The following GNAQ variants were observed in gnomAD, a reference collection of about 807,000 sequenced individuals.
GNAQ encodes the protein guanine nucleotide-binding protein G(q) subunit alpha.
GNAQ carries 8 observed loss-of-function variants against 43.9 expected under a neutral mutation model. That is an observed-to-expected ratio of 0.18 (90% CI 0.11 to 0.33). The LOEUF (loss-of-function observed/expected upper bound fraction) is 0.33. GNAQ is among the 10% of genes least tolerant of loss of function. The pLI, the probability that GNAQ is intolerant of heterozygous loss-of-function variation, is 1.00. For missense variants in GNAQ, 158 were observed against 450.8 expected, an observed-to-expected ratio of 0.35 and a Z score of 5.88; for synonymous variants, 155 against 170.7, an observed-to-expected ratio of 0.91 and a Z score of 0.71.
At chr9:77,798,609 C>T (rs896734912) in intron 3 of GNAQ, among the ~76,000 whole-genome samples, 2 of 152,118 alleles carry the variant, frequency 1.3e-5, no homozygotes, top group African/African-American at 4.8e-5. Context: ...TACCAAAATC[C>T]CTGGATGCTC....
chr9:77,889,306 G>T (rs1284327501), intron 2 of GNAQ, among the ~76,000 whole-genome samples: 7 of 150,204 alleles, frequency 4.7e-5, no homozygotes, highest in Non-Finnish European at 1.0e-4. Flanking sequence ...TACTCATCAG[G>T]AGGTTGAGGT....
intron 3 of GNAQ, among the ~76,000 whole-genome samples, chr9:77,798,983 T>G (rs941094377): frequency 2.6e-5 from 4 of 152,228 alleles, no homozygotes; most frequent in Non-Finnish European, 5.9e-5. Flanking sequence ...TCCCTGGCAG[T>G]CACACATATG....
chr9:77,843,376 GA>G (rs1323695495), intron 2 of GNAQ, among the ~76,000 whole-genome samples: 1 of 152,218 alleles, frequency 6.6e-6, no homozygotes, highest in Non-Finnish European at 1.5e-5. Context: ...TAAGGTGAGA[GA>G]CACAGCCCTT....
chr9:77,834,231 T>G (rs1827347065), intron 2 of GNAQ, among the ~76,000 whole-genome samples: 1 of 152,348 alleles, frequency 6.6e-6, no homozygotes, highest in East Asian at 1.9e-4. Flanking sequence ...GGGAGCTCAG[T>G]TACAATATTT....
At chr9:77,729,280 C>A (rs1825448199) in intron 5 of GNAQ, among the ~76,000 whole-genome samples, 1 of 152,144 alleles carries the variant, frequency 6.6e-6, no homozygotes, top group African/African-American at 2.4e-5. Flanking sequence ...TTTCACTATA[C>A]TATTAATATA....
chr9:78,011,974 C>T (rs1823777279), intron 1 of GNAQ, among the ~76,000 whole-genome samples: 1 of 152,068 alleles, frequency 6.6e-6, no homozygotes, highest in Non-Finnish European at 1.5e-5. Flanking sequence ...AGATAAATAA[C>T]AAAAATTATA....
rs368266062 is a variant in GNAQ, at chr9:77,900,990, G to A, written c.321+21171C>T. Among the ~76,000 whole-genome samples the A allele has an allele frequency of 2.0e-5, 3 of 151,920 alleles. No homozygotes were observed. In the South Asian group the frequency reaches 6.2e-4, roughly 32 times the overall value. The stretch of plus-strand genomic sequence containing the variant: ...TTTCCACTGACCAACAAACACACTC[G>A]GTTCTCTCCTGAAGTTAAAGAACCA... On this transcript the variant is annotated intron_variant, in intron 2 of 6. Coordinates refer to ENST00000286548, the MANE Select transcript of GNAQ (RefSeq NM_002072.5).
chr9:77,895,403 G>C (rs866151667), intron 2 of GNAQ, among the ~76,000 whole-genome samples: 4 of 152,166 alleles, frequency 2.6e-5, no homozygotes, highest in Non-Finnish European at 4.4e-5. Context: ...GTGGTGCTCA[G>C]ATCCAGTCTT....
chr9:77,844,029 G>T (rs1342289207), intron 2 of GNAQ, among the ~76,000 whole-genome samples: 1 of 152,082 alleles, frequency 6.6e-6, no homozygotes, highest in South Asian at 2.1e-4. Flanking sequence ...AATCTGCCAC[G>T]GAGACAGTAA....
chr9:78,004,276 C>CAA lies in GNAQ; in HGVS notation c.136+26822_136+26823dup, dbSNP rs754254450. On this transcript the variant is annotated intron_variant, in intron 1 of 6. Coordinates refer to ENST00000286548, the MANE Select transcript of GNAQ (RefSeq NM_002072.5). ...TGGACGACAGAGTAAGACTCTGTCT[C>CAA]AAAAAAAAAAAAAAAAAATTAATTA... Among the ~76,000 whole-genome samples, 132 of 82,150 alleles carry CAA rather than the reference C, an allele frequency of 1.6e-3. 1 individual carries two copies. The highest frequency in any genetic ancestry group is 4.3e-3 in the African/African-American group (99 of 22,976). The allele number at this position is 82,150 out of a possible 152,430, so 53.9% of individuals were successfully genotyped here. A position where few individuals can be genotyped will look rare whatever the true frequency, so the allele number is the denominator to read the frequency against.
chr9:77,809,764 C>A (rs1382758714), intron 3 of GNAQ, among the ~76,000 whole-genome samples: 2 of 152,084 alleles, frequency 1.3e-5, no homozygotes, highest in Non-Finnish European at 2.9e-5. Context: ...CTATGATAGG[C>A]AAGTTGGCTA....
rs935329369 is a variant in GNAQ at position 77,779,700 on chromosome 9, A to G, written c.735+14763T>C. On this transcript the variant is annotated intron_variant, in intron 5 of 6. Transcript: ENST00000286548. ...CAAAACAAAAAAAAAAAAAAAAAAA[A>G]AGAGAAGGCACAAATTACTAGTATC... Among the ~76,000 whole-genome samples, 3 of 133,814 alleles carry G rather than the reference A, an allele frequency of 2.2e-5. No individual in the cohort carries two copies. In the South Asian group the frequency reaches 7.3e-4, roughly 33 times the overall value. 87.8% of individuals were successfully genotyped at this position (133,814 alleles called of 152,430 possible).
At chr9:77,898,320 C>A (rs1037586096) in intron 2 of GNAQ, among the ~76,000 whole-genome samples, 6 of 152,180 alleles carry the variant, frequency 3.9e-5, no homozygotes, top group African/African-American at 1.4e-4. Context: ...AAAGCTTTGA[C>A]AGAACAGATG....
At chr9:77,922,423 C>T (rs1829012713) in intron 1 of GNAQ, 78 bp from the exon 2 acceptor site, 5 of 984,334 alleles carry the variant, frequency 5.1e-6, no homozygotes, top group Non-Finnish European at 7.8e-6. Flanking sequence ...AATACCATGC[C>T]TTGGATTTAA....
intron 5 of GNAQ, among the ~76,000 whole-genome samples, chr9:77,753,322 A>G (rs1028101195): frequency 2.0e-5 from 3 of 152,108 alleles, no homozygotes; most frequent in Non-Finnish European, 4.4e-5. Context: ...CCCCCTGAAG[A>G]AAAAGGTTCA....
At chr9:77,910,490 C>T (rs1439119200) in intron 2 of GNAQ, among the ~76,000 whole-genome samples, 1 of 152,176 alleles carries the variant, frequency 6.6e-6, no homozygotes, top group African/African-American at 2.4e-5. Context: ...TTAAACTATG[C>T]CACATGTGTT....
chr9:77,960,386 G>A (rs980474811), intron 1 of GNAQ, among the ~76,000 whole-genome samples: 1 of 152,206 alleles, frequency 6.6e-6, no homozygotes, highest in African/African-American at 2.4e-5. Flanking sequence ...GAGGTAGGCA[G>A]AATTAGAATT....
intron 2 of GNAQ, among the ~76,000 whole-genome samples, chr9:77,901,471 C>G (rs1828616252): frequency 6.6e-6 from 1 of 152,120 alleles, no homozygotes; most frequent in African/African-American, 2.4e-5. Context: ...CTGTCCAAAC[C>G]CTCCCATCTT....
chr9:77,878,773 G>A (rs1354293871), intron 2 of GNAQ, among the ~76,000 whole-genome samples: 1 of 152,062 alleles, frequency 6.6e-6, no homozygotes, highest in African/African-American at 2.4e-5. Context: ...TGGCCAGGCA[G>A]GGTGGCTCAC....
Sources: allele counts gnomAD v4.1 joint callset (sites outside exome capture counted in the v4.1 genomes callset), GRCh38; gene constraint gnomAD v4.1.1; transcripts MANE v1.5; gene names NCBI Gene and HGNC (gene_info 2026-07-23, HGNC 2026-07-21).